RNF150: variants seen among roughly 807,000 people sequenced by gnomAD.
RNF150 encodes the protein ring finger protein 150.
In RNF150, 24 loss-of-function variants were observed where a neutral mutation model predicts 39.3. The ratio of observed to expected loss-of-function variants is 0.61; its 90% CI spans 0.44 to 0.86. The LOEUF (loss-of-function observed/expected upper bound fraction) is 0.86. RNF150 is among the 40% of genes least tolerant of loss of function. The pLI, the probability that RNF150 is intolerant of heterozygous loss-of-function variation, is 0.00. For synonymous variants in RNF150, 255 were observed against 227.3 expected (o/e 1.12, Z -1.10); for missense variants, 502 against 587.8 (o/e 0.85, Z 1.51).
chr4:141,146,163 T>C (rs1448866976), intron 1 of RNF150, among the ~76,000 whole-genome samples: 1 of 152,242 alleles, frequency 6.6e-6, no homozygotes, highest in Non-Finnish European at 1.5e-5. Context: ...ACATGTTTAA[T>C]AAATCAGAAA....
intron 1 of RNF150, among the ~76,000 whole-genome samples, chr4:141,155,801 ATTG>A (rs1170381204): frequency 1.3e-5 from 2 of 152,190 alleles, no homozygotes; most frequent in Non-Finnish European, 2.9e-5. Context: ...ATGCTGGTCA[ATTG>A]TTGTGCCGAA....
chr4:140,961,256 G>C (rs188488155), intron 2 of RNF150, among the ~76,000 whole-genome samples: 1 of 152,134 alleles, frequency 6.6e-6, no homozygotes, highest in Admixed American at 6.6e-5. Context: ...ATGGGAAACT[G>C]AATTGAAATG....
chr4:140,868,576 G>A (rs566370576), intron 6 of RNF150, among the ~76,000 whole-genome samples, 197 bp from the exon 7 acceptor site: 9 of 152,174 alleles, frequency 5.9e-5, no homozygotes, highest in Admixed American at 2.6e-4. Flanking sequence ...AAAGAAACTA[G>A]AATAATAAAA....
At chr4:141,139,561 C>T (rs1727081849) in intron 1 of RNF150, among the ~76,000 whole-genome samples, 1 of 152,228 alleles carries the variant, frequency 6.6e-6, no homozygotes, top group Non-Finnish European at 1.5e-5. Context: ...ACTATATTCT[C>T]AGCGTCTGCT....
chr4:141,056,937 T>A (rs1331104390), intron 1 of RNF150, among the ~76,000 whole-genome samples: 3 of 152,144 alleles, frequency 2.0e-5, no homozygotes, highest in Non-Finnish European at 4.4e-5. Context: ...AAAAATATTA[T>A]ATATGATTGA....
rs140628880 is a variant in RNF150, at chr4:140,886,743, C to A, written c.1199-18364G>T. Among the ~76,000 whole-genome samples the A allele has an allele frequency of 5.2e-4, 79 of 152,286 alleles. 1 individual carries two copies. In the East Asian group the frequency reaches 0.014, roughly 28 times the overall value. On this transcript the variant is annotated intron_variant, in intron 6 of 6. Coordinates refer to ENST00000515673, the MANE Select transcript of RNF150 (RefSeq NM_020724.2). ...AGCAATCCCCCTCTACCTCAGCCTC[C>A]CTGGTAGCTGGGACTACAGGTGCGT...
At chr4:141,042,289 A>G (rs928834498) in intron 1 of RNF150, among the ~76,000 whole-genome samples, 4 of 152,238 alleles carry the variant, frequency 2.6e-5, no homozygotes, top group African/African-American at 7.2e-5. Flanking sequence ...AAAGAATTAG[A>G]TTGCTCAAGA....
chr4:140,901,520 C>A (rs1166047255), intron 6 of RNF150, among the ~76,000 whole-genome samples: 1 of 152,156 alleles, frequency 6.6e-6, no homozygotes, highest in African/African-American at 2.4e-5. Context: ...AGCCAAAATA[C>A]AAATATACAT....
intron 1 of RNF150, among the ~76,000 whole-genome samples, chr4:141,003,887 A>G (rs936469372): frequency 6.6e-6 from 1 of 152,108 alleles, no homozygotes; most frequent in Non-Finnish European, 1.5e-5. Context: ...TCTGAATAGT[A>G]CCAGCAGCTA....
intron 1 of RNF150, among the ~76,000 whole-genome samples, chr4:141,067,552 T>C (rs749601735): frequency 5.3e-5 from 8 of 152,226 alleles, no homozygotes; most frequent in Admixed American, 3.9e-4. Context: ...CTGTCTTATA[T>C]GATCAGAGAT....
intron 1 of RNF150, among the ~76,000 whole-genome samples, chr4:140,983,409 C>T (rs1733922627): frequency 6.6e-6 from 1 of 152,150 alleles, no homozygotes; most frequent in South Asian, 2.1e-4. Context: ...TATAGATAAG[C>T]ATAAATTTGT....
intron 1 of RNF150, among the ~76,000 whole-genome samples, chr4:141,184,730 A>T (rs900506438): frequency 1.3e-5 from 2 of 152,164 alleles, no homozygotes; most frequent in Non-Finnish European, 2.9e-5. Flanking sequence ...ATAGCTAGTT[A>T]GTTCTTCCAA....
At chr4:141,024,760 G>T (rs561031224) in intron 1 of RNF150, among the ~76,000 whole-genome samples, 1 of 152,188 alleles carries the variant, frequency 6.6e-6, no homozygotes, top group East Asian at 1.9e-4. Flanking sequence ...CGGAGGTGCT[G>T]ACCAGAAGTA....
chr4:141,101,028 G>T (rs1010481844), intron 1 of RNF150, among the ~76,000 whole-genome samples: 1 of 152,124 alleles, frequency 6.6e-6, no homozygotes. Flanking sequence ...ATATGAAGGC[G>T]TAGGACATTA....
chr4:140,924,284 A>G (rs17006652), intron 5 of RNF150, among the ~76,000 whole-genome samples: 19,372 of 152,242 alleles, frequency 0.13, 1,438 homozygotes, highest in Admixed American at 0.21. Flanking sequence ...AAATAAGAGA[A>G]AAGACCACCC....
At chr4:141,159,922 T>C (rs568869637) in intron 1 of RNF150, among the ~76,000 whole-genome samples, 2 of 152,268 alleles carry the variant, frequency 1.3e-5, no homozygotes, top group South Asian at 4.2e-4. Context: ...TGTTTTTTTT[T>C]CAAACTCCCT....
intron 1 of RNF150, chr4:141,212,659 A>G (rs1728489451): frequency 6.6e-6 from 1 of 152,218 alleles, no homozygotes. Flanking sequence ...TTTATGCAAG[A>G]GTCTCCAACA....
chr4:141,022,815 G>A (rs977880827), intron 1 of RNF150, among the ~76,000 whole-genome samples: 6 of 152,104 alleles, frequency 3.9e-5, no homozygotes, highest in Non-Finnish European at 5.9e-5. Flanking sequence ...CAAACAAAGT[G>A]TCACAAAAAA....
At chr4:141,062,070 T>C (rs1737251793) in intron 1 of RNF150, among the ~76,000 whole-genome samples, 1 of 152,180 alleles carries the variant, frequency 6.6e-6, no homozygotes, top group Non-Finnish European at 1.5e-5. Context: ...TTTGATTTCA[T>C]ACAGTTTGAA....
Sources: gnomAD v4.1 joint callset for allele counts (sites outside exome capture counted in the v4.1 genomes callset) on GRCh38, gnomAD v4.1.1 for gene constraint, MANE v1.5 for transcripts, NCBI Gene and HGNC (gene_info 2026-07-23, HGNC 2026-07-21) for gene names.